The following FNBP1 variants were observed in gnomAD, a reference collection of about 807,000 sequenced individuals.
The protein encoded by FNBP1 is formin-binding protein 1.
A neutral mutation model predicts 90.6 loss-of-function variants in FNBP1; 26 were observed. The ratio of observed to expected loss-of-function variants is 0.29; its 90% confidence interval spans 0.21 to 0.40. The LOEUF is 0.40. FNBP1 is among the 10% of genes least tolerant of loss of function. The pLI is 1.00. For missense variants in FNBP1, 635 were observed against 768.0 expected (o/e 0.83, Z 2.05); for synonymous variants, 260 against 265.2 (o/e 0.98, Z 0.19).
At chr9:129,922,086 T>A (rs1345769075) in intron 10 of FNBP1, among the ~76,000 whole-genome samples, 5 of 151,960 alleles carry the variant, frequency 3.3e-5, no homozygotes, top group African/African-American at 1.2e-4. Context: ...GAGAAAACCT[T>A]ACTGGATATG....
intron 1 of FNBP1, among the ~76,000 whole-genome samples, chr9:130,026,965 C>CAAA (rs765168982): frequency 3.9e-5 from 3 of 76,082 alleles, no homozygotes; most frequent in African/African-American, 1.4e-4. Context: ...GACCCTGTCT[C>CAAA]AAAAAAAAAA....
intron 4 of FNBP1, among the ~76,000 whole-genome samples, chr9:129,968,001 G>A (rs947601774): frequency 1.3e-4 from 19 of 149,302 alleles, no homozygotes; most frequent in East Asian, 5.9e-4. Flanking sequence ...TTTTTTTGGC[G>A]GGGGGGTCAC....
chr9:130,018,245 T>G (rs1210569880), intron 1 of FNBP1, among the ~76,000 whole-genome samples: 2 of 151,304 alleles, frequency 1.3e-5, no homozygotes, highest in African/African-American at 4.9e-5. Flanking sequence ...AAAAAAAAAG[T>G]GTGTTTAAAG....
chr9:130,042,845 G>C lies in FNBP1; in HGVS notation c.24+107C>G. Reference sequence around the variant, plus strand: ...CCCCAGGCCGCGAGGACCCCGACCAGCGCGCCCTCGCCTCCGCCCAGCAGC... The same window carrying C: ...CCCCAGGCCGCGAGGACCCCGACCACCGCGCCCTCGCCTCCGCCCAGCAGC... On this transcript the variant is annotated intron_variant, in intron 1 of 16. Transcript: ENST00000446176. This position sits in a 1 kb window ranked among gnomAD's most constrained non-coding sequence, Gnocchi z 5.5. 3 of 733,966 alleles carry C rather than the reference G, an allele frequency of 4.1e-6. No homozygotes were observed. Among genetic ancestry groups the C allele is most frequent in the Non-Finnish European group, 5.6e-6 (3 of 538,664 alleles). 45.5% of individuals were successfully genotyped at this position (733,966 alleles called of 1,614,324 possible).
Position 129,900,670 on chromosome 9 carries a change from G to A in FNBP1, c.1429-123C>T, listed in dbSNP as rs2036748098. The A allele has an allele frequency of 3.0e-6, 3 of 1,015,436 alleles. No individual in the cohort carries two copies. In the South Asian group the frequency reaches 9.2e-5, roughly 31 times the overall value. The allele number at this position is 1,015,436 out of a possible 1,614,324, so 62.9% of individuals were successfully genotyped here. Reference sequence around the variant, plus strand: ...AGCATCCTAAGGTCCCAAACTCAGGGGCTACTCTTGGCCATTTAACCCAAT... The same window carrying A: ...AGCATCCTAAGGTCCCAAACTCAGGAGCTACTCTTGGCCATTTAACCCAAT... On this transcript the variant is annotated intron_variant, in intron 13 of 16. Coordinates refer to ENST00000446176, the MANE Select transcript of FNBP1 (RefSeq NM_015033.3). The surrounding 1 kb of genome is among the most constrained non-coding windows in gnomAD (Gnocchi z 4.1).
Position 129,957,262 on chromosome 9 carries a change from T to C in FNBP1, c.513+98A>G. On this transcript the variant is annotated intron_variant, in intron 6 of 16. Transcript: ENST00000446176. This position sits in a 1 kb window ranked among gnomAD's most constrained non-coding sequence, Gnocchi z 4.3. ...CATCTTGGCCAGGCTGGTCTCGAAC[T>C]CCTGGCCTCAGGTGATCCGCTCACC... is the stretch of plus-strand genomic sequence containing the variant. The C allele has an allele frequency of 1.2e-6, 1 of 822,990 alleles. No homozygotes were observed. The highest frequency in any genetic ancestry group is 2.0e-6 in the Non-Finnish European group (1 of 501,944). 51.0% of individuals were successfully genotyped at this position (822,990 alleles called of 1,614,324 possible). A position where few individuals can be genotyped will look rare whatever the true frequency, so the allele number is the denominator to read the frequency against.
chr9:129,898,879 A>G (rs1033000714), intron 15 of FNBP1, among the ~76,000 whole-genome samples: 4 of 151,906 alleles, frequency 2.6e-5, no homozygotes, highest in African/African-American at 9.7e-5. Context: ...GGGCCTTTAC[A>G]AGACAGGAGC....
At chr9:129,948,126 C>T (rs565061350) in intron 6 of FNBP1, among the ~76,000 whole-genome samples, 20 of 151,750 alleles carry the variant, frequency 1.3e-4, no homozygotes, top group South Asian at 4.2e-4. Context: ...CCCGTCTCTA[C>T]GCTGTGCATG....
intron 1 of FNBP1, among the ~76,000 whole-genome samples, chr9:129,999,521 C>G (rs2131400193): frequency 6.6e-6 from 1 of 151,828 alleles, no homozygotes; most frequent in South Asian, 2.1e-4. Context: ...TCACTTGAAC[C>G]TGGGAGGGAG....
chr9:129,967,377 G>A (rs559326971), intron 4 of FNBP1, among the ~76,000 whole-genome samples: 1 of 152,260 alleles, frequency 6.6e-6, no homozygotes, highest in South Asian at 2.1e-4. Flanking sequence ...TTAGCCAGGC[G>A]TGGTGGCGGG....
At chr9:130,038,007 G>A (rs1012113683) in intron 1 of FNBP1, among the ~76,000 whole-genome samples, 1 of 152,082 alleles carries the variant, frequency 6.6e-6, no homozygotes, top group Non-Finnish European at 1.5e-5. Context: ...ATATTCAACA[G>A]ATGAATGTAT....
chr9:129,916,059 C>T (rs2131701201), intron 10 of FNBP1, 79 bp from the exon 11 acceptor site: 3 of 1,023,308 alleles, frequency 2.9e-6, no homozygotes, highest in Non-Finnish European at 4.5e-6. Context: ...AACAACACAT[C>T]AGAAGAAGAG....
chr9:130,053,286 CTTATT>C, the FNBP1 span: 1 of 152,272 alleles, frequency 6.6e-6, no homozygotes, highest in African/African-American at 2.4e-5. Context: ...GAGCAAATGA[CTTATT>C]TCTCAGAGCC....
Position 129,927,234 on chromosome 9 carries a change from A to T in FNBP1, c.750T>A (p.Asp250Glu). The T allele has an allele frequency of 6.2e-7, 1 of 1,613,992 alleles. No individual in the cohort carries two copies. The highest frequency in any genetic ancestry group is 8.5e-7 in the Non-Finnish European group (1 of 1,179,866). The stretch of plus-strand genomic sequence containing the variant: ...TTGATTCGGCTGCTTTTACTATTCC[A>T]TCCAGGCACTTCCCAATGATTGGGA... Reference protein sequence around the residue: ...QVIPIIGKCLDGIVKAAESID... With the variant: ...QVIPIIGKCLEGIVKAAESID... The change falls in exon 8 of 17, where the codon GAT (aspartate) becomes GAA (glutamate). Residue 250 changes from aspartate (D) to glutamate (E), a missense_variant. Physicochemically the swap from Asp to Glu is conservative, Grantham distance 45. Coordinates refer to ENST00000446176, the MANE Select transcript of FNBP1 (RefSeq NM_015033.3).
rs1327065742 is a variant in FNBP1 at position 130,041,120 on chromosome 9, A to T, written c.24+1832T>A. 1.3e-5 allele frequency among the ~76,000 whole-genome samples: 2 copies of T among 151,398 alleles called. No individual in the cohort carries two copies. Among genetic ancestry groups the T allele is most frequent in the Non-Finnish European group, 2.9e-5 (2 of 67,932 alleles). ...CCAAGGTGCTGGCAATATAGGCCTG[A>T]GCCACTGCGCCCGGCCTCTCTCATT... is the stretch of plus-strand genomic sequence containing the variant. On this transcript the variant is annotated intron_variant, in intron 1 of 16. Transcript: ENST00000446176. This position sits in a 1 kb window ranked among gnomAD's most constrained non-coding sequence, Gnocchi z 4.3.
At chr9:129,927,632 G>A (rs977339908) in intron 7 of FNBP1, among the ~76,000 whole-genome samples, 5 of 151,738 alleles carry the variant, frequency 3.3e-5, no homozygotes, top group East Asian at 1.9e-4. Flanking sequence ...TTTTTGAGAC[G>A]GAGTTTTGCT....
intron 4 of FNBP1, among the ~76,000 whole-genome samples, chr9:129,973,819 T>G (rs1427465781): frequency 2.8e-5 from 4 of 145,238 alleles, no homozygotes; most frequent in Non-Finnish European, 1.5e-5. Context: ...TTTTTTTTCT[T>G]TTTTTTTTTG....
At chr9:129,892,678 T>C (rs2035239144) in intron 16 of FNBP1, among the ~76,000 whole-genome samples, 1 of 152,210 alleles carries the variant, frequency 6.6e-6, no homozygotes. Context: ...TGCTAGAAGA[T>C]AATAAAGTAT....
At chr9:129,910,863 GTGTA>G (rs1238578038) in intron 11 of FNBP1, among the ~76,000 whole-genome samples, 1 of 75,232 alleles carries the variant, frequency 1.3e-5, no homozygotes, top group Non-Finnish European at 4.5e-5. Flanking sequence ...GTGTGTGTGT[GTGTA>G]TGTGTGTGAG....
Sources: allele counts gnomAD v4.1 joint callset (sites outside exome capture counted in the v4.1 genomes callset), GRCh38; gene constraint gnomAD v4.1.1; non-coding constraint Gnocchi (gnomAD v3.1); transcripts MANE v1.5; gene names NCBI Gene and HGNC (gene_info 2026-07-23, HGNC 2026-07-21).